The following ZFP36L1 variants were observed in gnomAD, a reference collection of about 807,000 sequenced individuals.
ZFP36L1 encodes the protein ZFP36 like 1 zinc finger CCCH-type, also known as mRNA decay activator protein ZFP36L1.
In ZFP36L1, 4 loss-of-function variants were observed where a neutral mutation model predicts 16.7. The ratio of observed to expected loss-of-function variants is 0.24; its 90% CI spans 0.12 to 0.55. The LOEUF (loss-of-function observed/expected upper bound fraction) is 0.55. Ranked by LOEUF, ZFP36L1 falls within the 20% of genes least tolerant of loss-of-function variation. The pLI, the probability that ZFP36L1 is intolerant of heterozygous loss-of-function variation, is 0.94. For missense variants in ZFP36L1, 311 were observed against 449.2 expected (o/e 0.69, Z 2.78); for synonymous variants, 220 against 190.8 (o/e 1.15, Z -1.26).
chr14:68,795,956 G>A (rs373016467), upstream of ZFP36L1: 8 of 1,286,060 alleles, frequency 6.2e-6, no homozygotes, highest in African/African-American at 1.1e-4. Context: ...GCGGGAGGGC[G>A]GCCCTACGGT....
Position 68,789,322 on chromosome 14 carries a change from A to G in ZFP36L1, c.*211T>C. ...TCCAGGGAGGGGGTTTCAAGCCAGA[A>G]GAAGCTACTGACAAATTGACTTGTC... On this transcript the variant is annotated 3_prime_UTR_variant, in exon 2 of 2. Transcript: ENST00000439696. This position sits in a 1 kb window ranked among gnomAD's most constrained non-coding sequence, Gnocchi z 4.5. 1 of 636,920 alleles carries G rather than the reference A, an allele frequency of 1.6e-6. No homozygotes were observed. Among genetic ancestry groups the G allele is most frequent in the Non-Finnish European group, 2.6e-6 (1 of 391,498 alleles). 39.5% of individuals were successfully genotyped at this position (636,920 alleles called of 1,614,324 possible).
Position 68,790,296 on chromosome 14 carries a change from C to T in ZFP36L1, c.254G>A (p.Arg85His), listed in dbSNP as rs748658362. ...PAPALSSRDS[R>H]FRDRSFSEGG... ...TTCCGAGAAGGAGCGGTCTCGGAAGCGGCTGTCTCGCGAGCTCAGAGCGGG... is the reference window on the plus strand; with the variant it reads ...TTCCGAGAAGGAGCGGTCTCGGAAGTGGCTGTCTCGCGAGCTCAGAGCGGG... The change falls in exon 2 of 2, where the codon CGC (arginine) becomes CAC (histidine). Residue 85 changes from arginine (R) to histidine (H), a missense_variant. By Grantham distance (29) the Arg-to-His change is conservative (BLOSUM62 0). Transcript: ENST00000439696. 8 of 1,609,526 alleles carry T rather than the reference C, an allele frequency of 5.0e-6. No individual in the cohort carries two copies. The African/African-American group carries it at 8.0e-5, about 16-fold the overall frequency.
At chr14:68,795,238 G>C (rs1317667286), upstream of ZFP36L1, among the ~76,000 whole-genome samples, 1 of 152,124 alleles carries the variant, frequency 6.6e-6, no homozygotes, top group African/African-American at 2.4e-5. Flanking sequence ...GAAACCACAA[G>C]GTTAGTCTGA....
At chr14:68,792,708 G>C (rs1594718358) in intron 1 of ZFP36L1, among the ~76,000 whole-genome samples, 174 bp downstream of exon 1, 1 of 152,286 alleles carries the variant, frequency 6.6e-6, no homozygotes, top group Non-Finnish European at 1.5e-5. Context: ...AAACTCAAAG[G>C]GTGGGAAGGA....
intron 1 of ZFP36L1, among the ~76,000 whole-genome samples, chr14:68,792,362 T>A (rs150608145): frequency 6.6e-6 from 1 of 152,254 alleles, no homozygotes; most frequent in Non-Finnish European, 1.5e-5. Flanking sequence ...TGCAACATCT[T>A]TTTGAATCAC....
Position 68,790,878 on chromosome 14 carries a change from C to G in ZFP36L1, c.58-386G>C, listed in dbSNP as rs943998432. 3 of 553,476 alleles carry G rather than the reference C, an allele frequency of 5.4e-6. No homozygotes were observed. In the East Asian group the frequency reaches 8.9e-5, roughly 16 times the overall value. 34.3% of individuals were successfully genotyped at this position (553,476 alleles called of 1,614,324 possible). Reference sequence around the variant, plus strand: ...GATTACCGCACCCCGCCCCCGCCACCGCCCGCGACAAAAACAGGTAAACCT... The same window carrying G: ...GATTACCGCACCCCGCCCCCGCCACGGCCCGCGACAAAAACAGGTAAACCT... On this transcript the variant is annotated intron_variant, in intron 1 of 1. Transcript: ENST00000439696.
intron 1 of ZFP36L1, chr14:68,791,348 A>G: frequency 2.2e-6 from 1 of 464,832 alleles, no homozygotes. Flanking sequence ...CCCCCTACCC[A>G]CCTCCTAGTC....
At chr14:68,793,188 T>A (rs535331002), upstream of ZFP36L1, 1 of 1,080,354 alleles carries the variant, frequency 9.3e-7, no homozygotes, top group East Asian at 7.9e-5. Context: ...ACACTGGAGT[T>A]GAATCAGCCA....
upstream of ZFP36L1, among the ~76,000 whole-genome samples, chr14:68,795,054 AATAACTTCC>A (rs1895211416): frequency 6.6e-6 from 1 of 152,148 alleles, no homozygotes; most frequent in South Asian, 2.1e-4. Context: ...CAGAAAGGGA[AATAACTTCC>A]ATCCACCTTA....
intron 1 of ZFP36L1, among the ~76,000 whole-genome samples, chr14:68,791,499 G>A (rs1053088472): frequency 6.6e-6 from 1 of 152,180 alleles, no homozygotes. Flanking sequence ...TTAGTTCCCA[G>A]CCCATGTGGG....
upstream of ZFP36L1, chr14:68,793,406 G>A: frequency 5.0e-6 from 5 of 1,000,820 alleles, no homozygotes; most frequent in Non-Finnish European, 6.0e-6. Flanking sequence ...GGGGCCGCGC[G>A]GGCGCAGAGC....
rs1895002548 is a variant in ZFP36L1, at chr14:68,789,393, G to A, written c.*140C>T. 2.2e-5 allele frequency: 28 copies of A among 1,297,072 alleles called. No individual in the cohort carries two copies. The highest frequency in any genetic ancestry group is 2.9e-5 in the Non-Finnish European group (27 of 943,586). 80.3% of individuals were successfully genotyped at this position (1,297,072 alleles called of 1,614,324 possible). A position where few individuals can be genotyped will look rare whatever the true frequency, so the allele number is the denominator to read the frequency against. ...GAGGGGGAGAGGGAGGGCACATTCT[G>A]AGGTGCTGGGGGAAAGGGGTTGAGC... On this transcript the variant is annotated 3_prime_UTR_variant, in exon 2 of 2. Coordinates refer to ENST00000439696, the MANE Select transcript of ZFP36L1 (RefSeq NM_004926.4). This position sits in a 1 kb window ranked among gnomAD's most constrained non-coding sequence, Gnocchi z 4.5.
chr14:68,793,262 G>A (rs545082499), upstream of ZFP36L1: 6 of 1,078,530 alleles, frequency 5.6e-6, no homozygotes, highest in South Asian at 1.5e-4. Flanking sequence ...AGAAGGGGGA[G>A]GGGAGACGAG....
chr14:68,795,925 G>A, upstream of ZFP36L1: 1 of 1,124,748 alleles, frequency 8.9e-7, no homozygotes, highest in Non-Finnish European at 1.2e-6. Flanking sequence ...CCCAGACGTG[G>A]TCGACAGGTG....
At chr14:68,792,374 A>G (rs550336302) in intron 1 of ZFP36L1, among the ~76,000 whole-genome samples, 1 of 152,128 alleles carries the variant, frequency 6.6e-6, no homozygotes, top group African/African-American at 2.4e-5. Context: ...TTGAATCACA[A>G]CTTGGCCTTT....
In ZFP36L1 at chr14:68,793,024, A is replaced by T. The variant is rs2140213116; in HGVS notation, c.-86T>A. ...GGAAGGCGCAGCCTCTCCTGTCTGGAGTCCCACACGCCAGTTCCCGGCGCC... is the reference window on the plus strand; with the variant it reads ...GGAAGGCGCAGCCTCTCCTGTCTGGTGTCCCACACGCCAGTTCCCGGCGCC... On this transcript the variant is annotated 5_prime_UTR_variant, in exon 1 of 2. Coordinates refer to ENST00000439696, the MANE Select transcript of ZFP36L1 (RefSeq NM_004926.4). 6.2e-7 allele frequency: 1 copy of T among 1,604,740 alleles called. No individual in the cohort carries two copies. The highest frequency in any genetic ancestry group is 2.2e-5 in the East Asian group (1 of 44,740).
At chr14:68,795,870 C>T, upstream of ZFP36L1, 2 of 621,070 alleles carry the variant, frequency 3.2e-6, no homozygotes, top group Non-Finnish European at 5.9e-6. Flanking sequence ...GACCCGGCGT[C>T]CCCGCCGCGG....
At chr14:68,794,553 C>T (rs1368738558), upstream of ZFP36L1, 1 of 152,336 alleles carries the variant, frequency 6.6e-6, no homozygotes, top group East Asian at 1.9e-4. Context: ...CCGCCGCCCC[C>T]CTCGGCCCTC....
chr14:68,792,051 C>A (rs1895089260), intron 1 of ZFP36L1, among the ~76,000 whole-genome samples: 1 of 152,130 alleles, frequency 6.6e-6, no homozygotes, highest in African/African-American at 2.4e-5. Context: ...ACATTTAAAC[C>A]GCAGTCCTGG....
Sources: allele counts gnomAD v4.1 joint callset (sites outside exome capture counted in the v4.1 genomes callset), GRCh38; gene constraint gnomAD v4.1.1; non-coding constraint Gnocchi (gnomAD v3.1); transcripts MANE v1.5; gene names NCBI Gene and HGNC (gene_info 2026-07-23, HGNC 2026-07-21).